Variants in FAM111B observed in about 807,000 individuals in gnomAD.
The protein encoded by FAM111B is serine protease FAM111B.
A neutral mutation model predicts 2.8 loss-of-function variants in FAM111B; 1 was observed. The observed-to-expected ratio is 0.36, with a 90% CI of 0.13 to 1.70. The LOEUF is 1.70. Ranked by LOEUF, FAM111B falls within the 40% of genes most tolerant of loss-of-function variation. The pLI, the probability that FAM111B is intolerant of heterozygous loss-of-function variation, is 0.35. For missense variants in FAM111B, 882 were observed against 878.9 expected (o/e 1.00, Z -0.04); for synonymous variants, 297 against 295.6 (o/e 1.00, Z -0.05).
rs1860005539 is a variant in FAM111B at position 59,125,367 on chromosome 11, A to C, written c.1270A>C (p.Asn424His). Residue 424 changes from asparagine (N) to histidine (H), a missense_variant, in exon 4 of 4, where the codon AAT (asparagine) becomes CAT (histidine). Transcript: ENST00000343597. ...TTTTCGGGAAGAACAAAAGAGAATG[A>C]ATCTTTCACCAGCTAAGCAATTCAA... Reference protein sequence around the residue: ...KYFREEQKRMNLSPAKQFNIY... With the variant: ...KYFREEQKRMHLSPAKQFNIY... 1 of 1,613,868 alleles carries C rather than the reference A, an allele frequency of 6.2e-7. No individual in the cohort carries two copies. The highest frequency in any genetic ancestry group is 8.5e-7 in the Non-Finnish European group (1 of 1,179,848).
chr11:59,120,614 G>C (rs769334594), intron 3 of FAM111B, among the ~76,000 whole-genome samples: 3 of 152,190 alleles, frequency 2.0e-5, no homozygotes, highest in Non-Finnish European at 4.4e-5. Flanking sequence ...GGAAAGATCT[G>C]TTCCAGGACT....
intron 3 of FAM111B, among the ~76,000 whole-genome samples, chr11:59,118,672 T>TA (rs1409595079): frequency 2.0e-5 from 3 of 152,204 alleles, no homozygotes; most frequent in Admixed American, 6.5e-5. Flanking sequence ...CACGATTAAG[T>TA]ATGATGTTAC....
rs988226260 is a variant in FAM111B at position 59,126,446 on chromosome 11, A to G, written c.*144A>G. 2 of 598,834 alleles carry G rather than the reference A, an allele frequency of 3.3e-6. No individual in the cohort carries two copies. The highest frequency in any genetic ancestry group is 3.8e-5 in the African/African-American group (2 of 53,120). The allele number at this position is 598,834 out of a possible 1,614,324, so 37.1% of individuals were successfully genotyped here. A position where few individuals can be genotyped will look rare whatever the true frequency, so the allele number is the denominator to read the frequency against. ...TTCTGCACAGCAAAAGAAACTATCA[A>G]CAGGGTAAACACACAACCTACGGAA... On this transcript the variant is annotated 3_prime_UTR_variant, in exon 4 of 4. Transcript: ENST00000343597.
At chr11:59,120,169 TAAATC>T (rs2135401046) in intron 3 of FAM111B, among the ~76,000 whole-genome samples, 1 of 152,292 alleles carries the variant, frequency 6.6e-6, no homozygotes, top group South Asian at 2.1e-4. Flanking sequence ...AAATGAGACA[TAAATC>T]AATGTCAAGA....
chr11:59,119,605 T>C (rs993984269), intron 3 of FAM111B, among the ~76,000 whole-genome samples: 3 of 152,218 alleles, frequency 2.0e-5, no homozygotes, highest in African/African-American at 7.2e-5. Context: ...TATAATGGGC[T>C]TACTTTATCT....
Position 59,124,614 on chromosome 11 carries a change from TTACGCCA to T in FAM111B, c.518_524del (p.Leu173TyrfsTer17). Reference sequence around the variant, plus strand: ...GAGTAGCAAAGAAGATGGACACATATTACGCCAATGTGAAAATCCAAACATGGAATGC... The same window carrying T: ...GAGTAGCAAAGAAGATGGACACATATATGTGAAAATCCAAACATGGAATGC... On this transcript the variant is annotated frameshift_variant, in exon 4 of 4. Coordinates refer to ENST00000343597, the MANE Select transcript of FAM111B (RefSeq NM_198947.4). LOFTEE classifies it low-confidence loss of function (END_TRUNC). The T allele has an allele frequency of 6.2e-7, 1 of 1,613,958 alleles. No homozygotes were observed. Among genetic ancestry groups the T allele is most frequent in the South Asian group, 1.1e-5 (1 of 91,068 alleles).
intron 3 of FAM111B, among the ~76,000 whole-genome samples, chr11:59,112,741 A>G (rs1165726581): frequency 6.6e-6 from 1 of 152,216 alleles, no homozygotes; most frequent in African/African-American, 2.4e-5. Flanking sequence ...GTATTTCACT[A>G]TGACTCATGA....
chr11:59,108,809 A>G (rs1001773016), intron 2 of FAM111B, 97 bp downstream of exon 2: 1 of 152,126 alleles, frequency 6.6e-6, no homozygotes, highest in African/African-American at 2.4e-5. Context: ...TATGGGTCAT[A>G]TTTATCCACT....
intron 3 of FAM111B, among the ~76,000 whole-genome samples, chr11:59,120,153 G>C (rs1449898834): frequency 6.6e-6 from 1 of 152,036 alleles, no homozygotes; most frequent in Non-Finnish European, 1.5e-5. Flanking sequence ...TTTGCTGAAG[G>C]CATGAAAATG....
chr11:59,126,003 A>T lies in FAM111B; in HGVS notation c.1906A>T (p.Thr636Ser), dbSNP rs751929686. The T allele has an allele frequency of 4.3e-6, 7 of 1,613,958 alleles. No individual in the cohort carries two copies. In the South Asian group the frequency reaches 5.5e-5, roughly 13 times the overall value. The change falls in exon 4 of 4, where the codon ACA (threonine) becomes TCA (serine). Residue 636 changes from threonine to serine, a missense_variant. Transcript: ENST00000343597. ...AAGTTTCCTATCAGAGGTTTGGAAC[A>T]CACACACGCTTAGTTATGATACTTG... ...QRSFLSEVWN[T>S]HTLSYDTCFS... is the part of the protein sequence containing the mutation.
At position 59,121,346 on chromosome 11, in the gene FAM111B, G is replaced by C. The variant is rs78414627; in HGVS notation, c.82-2833G>C. On this transcript the variant is annotated intron_variant, in intron 3 of 3. Coordinates refer to ENST00000343597, the MANE Select transcript of FAM111B (RefSeq NM_198947.4). ...TTTTAGAGACTGAAGTGTGAAAAAGGGTTCAATTTCATTAGTAATTAGGAA... is the reference window on the plus strand; with the variant it reads ...TTTTAGAGACTGAAGTGTGAAAAAGCGTTCAATTTCATTAGTAATTAGGAA... 9.4e-3 allele frequency among the ~76,000 whole-genome samples: 1,437 copies of C among 152,138 alleles called. 23 individuals carry two copies. The highest frequency in any genetic ancestry group is 0.033 in the African/African-American group (1,368 of 41,500).
At chr11:59,112,529 G>A (rs1859776481) in intron 3 of FAM111B, among the ~76,000 whole-genome samples, 1 of 152,158 alleles carries the variant, frequency 6.6e-6, no homozygotes, top group Non-Finnish European at 1.5e-5. Context: ...CCTAGCAGTG[G>A]AATTGCTGTC....
intron 3 of FAM111B, among the ~76,000 whole-genome samples, chr11:59,110,424 G>A (rs940204668): frequency 6.6e-6 from 1 of 152,024 alleles, no homozygotes; most frequent in Non-Finnish European, 1.5e-5. Flanking sequence ...TTAGTCAAGG[G>A]GTACAAAGTT....
chr11:59,116,870 G>C (rs887980510), intron 3 of FAM111B, among the ~76,000 whole-genome samples: 1 of 152,214 alleles, frequency 6.6e-6, no homozygotes, highest in Non-Finnish European at 1.5e-5. Flanking sequence ...CAGGCAGGTG[G>C]AGTCCTGGCT....
At chr11:59,107,554 C>G (rs112748280) in intron 1 of FAM111B, among the ~76,000 whole-genome samples, 1 of 152,120 alleles carries the variant, frequency 6.6e-6, no homozygotes, top group Non-Finnish European at 1.5e-5. Context: ...TTTCCCTGCC[C>G]GGTGCCGTTC....
chr11:59,122,988 C>T (rs1297453687), intron 3 of FAM111B, among the ~76,000 whole-genome samples: 1 of 152,118 alleles, frequency 6.6e-6, no homozygotes, highest in Non-Finnish European at 1.5e-5. Flanking sequence ...GTTATGTTGA[C>T]TCTTGTCATA....
In FAM111B at chr11:59,125,944, C is replaced by T; in HGVS notation, c.1847C>T (p.Thr616Ile). ...CQDGLVDLYDTTSNVYCMFTQ... is the reference protein window; with the variant it reads ...CQDGLVDLYDITSNVYCMFTQ... Reference sequence around the variant, plus strand: ...GATGGGTTGGTAGATCTCTATGATACCACCAGTAATGTATACTGTATGTTT... The same window carrying T: ...GATGGGTTGGTAGATCTCTATGATATCACCAGTAATGTATACTGTATGTTT... The change falls in exon 4 of 4, where the codon ACC becomes ATC. Residue 616 changes from threonine (T) to isoleucine (I), a missense_variant. By Grantham distance (89) the Thr-to-Ile change is moderately conservative. Transcript: ENST00000343597. 3.7e-6 allele frequency: 6 copies of T among 1,613,766 alleles called. No homozygotes were observed. Among genetic ancestry groups the T allele is most frequent in the Non-Finnish European group, 5.1e-6 (6 of 1,179,772 alleles).
chr11:59,121,988 C>T (rs1434376691), intron 3 of FAM111B, among the ~76,000 whole-genome samples: 1 of 151,888 alleles, frequency 6.6e-6, no homozygotes, highest in East Asian at 1.9e-4. Context: ...ACTAAAAATA[C>T]AAAAATTAGC....
intron 1 of FAM111B, among the ~76,000 whole-genome samples, chr11:59,107,633 A>G (rs1211423554): frequency 2.0e-5 from 3 of 152,210 alleles, no homozygotes; most frequent in South Asian, 4.1e-4. Flanking sequence ...GGAATGGAGT[A>G]GGAGAGCTCC....
Sources: allele counts gnomAD v4.1 joint callset (sites outside exome capture counted in the v4.1 genomes callset), GRCh38; gene constraint gnomAD v4.1.1; transcripts MANE v1.5; gene names NCBI Gene and HGNC (gene_info 2026-07-23, HGNC 2026-07-21).